Variants in PACRG observed in about 807,000 individuals in gnomAD.
PACRG encodes parkin coregulated, also known as parkin coregulated gene protein.
Under a neutral mutation model 29.7 loss-of-function variants are expected in PACRG, and 29 were observed. That is an observed-to-expected ratio of 0.98 (90% CI 0.73 to 1.33). The LOEUF (loss-of-function observed/expected upper bound fraction) is 1.33, where lower values mean the gene tolerates loss of function less well. PACRG is among the 40% of genes most tolerant of loss of function. PACRG has a pLI of 0.00. For missense variants in PACRG, 279 were observed against 316.2 expected, an observed-to-expected ratio of 0.88 and a Z score of 0.89; for synonymous variants, 116 against 118.7, an observed-to-expected ratio of 0.98 and a Z score of 0.15.
intron 2 of PACRG, among the ~76,000 whole-genome samples, chr6:163,004,871 C>G (rs1265114677): frequency 6.6e-6 from 1 of 151,982 alleles, no homozygotes; most frequent in African/African-American, 2.4e-5. Flanking sequence ...GAGGCAAAAT[C>G]TGATCCTACC....
chr6:163,207,519 C>G (rs1333594819), intron 4 of PACRG, among the ~76,000 whole-genome samples: 1 of 152,168 alleles, frequency 6.6e-6, no homozygotes, highest in East Asian at 1.9e-4. Context: ...ATATTCAACT[C>G]CCTACGGTTT....
chr6:162,989,984 C>T (rs1225561546), intron 2 of PACRG, among the ~76,000 whole-genome samples: 19 of 150,794 alleles, frequency 1.3e-4, no homozygotes, highest in African/African-American at 1.9e-4. Context: ...TGAGAATATG[C>T]GGTGTTTGGT....
At chr6:162,775,861 T>C (rs1783600727) in intron 1 of PACRG, among the ~76,000 whole-genome samples, 1 of 152,162 alleles carries the variant, frequency 6.6e-6, no homozygotes, top group African/African-American at 2.4e-5. Flanking sequence ...TTTTAAACGA[T>C]GAGGAAACAG....
chr6:162,777,705 G>A lies in PACRG; in HGVS notation c.157-36442G>A, dbSNP rs529136642. On this transcript the variant is annotated intron_variant, in intron 1 of 4. Coordinates refer to ENST00000366888, the MANE Select transcript of PACRG (RefSeq NM_001080379.2). The surrounding 1 kb of genome is among the most constrained non-coding windows in gnomAD (Gnocchi z 4.0). The stretch of plus-strand genomic sequence containing the variant: ...TATTTTATACTTTTACTGTAGAGAT[G>A]CATTTAAAGTTTAATATTAACATAT... Among the ~76,000 whole-genome samples the A allele has an allele frequency of 5.3e-5, 8 of 152,192 alleles. No individual in the cohort carries two copies. In the South Asian group the frequency reaches 1.7e-3, roughly 32 times the overall value.
At chr6:163,006,456 C>A (rs945630165) in intron 2 of PACRG, among the ~76,000 whole-genome samples, 3 of 151,380 alleles carry the variant, frequency 2.0e-5, no homozygotes, top group Admixed American at 6.6e-5. Context: ...TCATTTAGAT[C>A]AATTGATAGA....
At chr6:163,080,155 C>T (rs556572436) in intron 3 of PACRG, among the ~76,000 whole-genome samples, 1 of 152,022 alleles carries the variant, frequency 6.6e-6, no homozygotes, top group Non-Finnish European at 1.5e-5. Context: ...GCCTCGGCCT[C>T]CCAAAGTGCT....
At chr6:163,242,343 G>C (rs1006575996) in intron 4 of PACRG, among the ~76,000 whole-genome samples, 1 of 152,170 alleles carries the variant, frequency 6.6e-6, no homozygotes, top group Admixed American at 6.5e-5. Flanking sequence ...TGTGTGTTGT[G>C]TATGTAACAA....
intron 1 of PACRG, among the ~76,000 whole-genome samples, chr6:162,740,289 T>G (rs1332766830): frequency 6.6e-6 from 1 of 151,980 alleles, no homozygotes; most frequent in African/African-American, 2.4e-5. Flanking sequence ...TTATTCAAGG[T>G]GCAATTTGTG....
At chr6:162,879,557 T>G (rs2128010485) in intron 2 of PACRG, among the ~76,000 whole-genome samples, 1 of 152,332 alleles carries the variant, frequency 6.6e-6, no homozygotes, top group Admixed American at 6.5e-5. Flanking sequence ...ATATACAGAT[T>G]TTTAAATCAA....
chr6:163,079,721 G>T (rs977521609), intron 3 of PACRG, among the ~76,000 whole-genome samples: 3 of 151,806 alleles, frequency 2.0e-5, no homozygotes, highest in African/African-American at 7.3e-5. Flanking sequence ...ACTCCTTCTT[G>T]GAAATTGGTC....
At position 162,834,687 on chromosome 6, in the gene PACRG, C is replaced by T. The variant is rs138616076; in HGVS notation, c.291+20406C>T. On this transcript the variant is annotated intron_variant, in intron 2 of 4. Coordinates refer to ENST00000366888, the MANE Select transcript of PACRG (RefSeq NM_001080379.2). ...TCTATAGCATTTTGCCAAAAATACT[C>T]CTTAAAGCAACTGTCCTGTATCTGA... Among the ~76,000 whole-genome samples the T allele has an allele frequency of 1.6e-3, 249 of 151,752 alleles. 8 individuals carry two copies. In the South Asian group the frequency reaches 0.05, roughly 31 times the overall value.
At chr6:163,000,014 C>T (rs758932670) in intron 2 of PACRG, among the ~76,000 whole-genome samples, 10 of 152,176 alleles carry the variant, frequency 6.6e-5, no homozygotes, top group African/African-American at 1.2e-4. Flanking sequence ...CTTGTAACAT[C>T]CTATGGTTGG....
chr6:163,160,765 G>T (rs1778522742), intron 4 of PACRG, among the ~76,000 whole-genome samples: 1 of 152,132 alleles, frequency 6.6e-6, no homozygotes, highest in Non-Finnish European at 1.5e-5. Flanking sequence ...TTGCTGAGAA[G>T]AATAATATGT....
intron 1 of PACRG, among the ~76,000 whole-genome samples, chr6:162,768,891 A>G (rs1782996813): frequency 6.6e-6 from 1 of 152,174 alleles, no homozygotes; most frequent in Non-Finnish European, 1.5e-5. Context: ...TTAAACTTTG[A>G]TATTTGTGGG....
chr6:162,897,042 G>A (rs998389928), intron 2 of PACRG, among the ~76,000 whole-genome samples: 2 of 152,278 alleles, frequency 1.3e-5, no homozygotes, highest in Admixed American at 6.5e-5. Flanking sequence ...ATCTGCCAAT[G>A]AGCCCCTACA....
intron 2 of PACRG, among the ~76,000 whole-genome samples, chr6:162,874,622 C>A (rs1051584065): frequency 6.6e-6 from 1 of 152,156 alleles, no homozygotes; most frequent in Non-Finnish European, 1.5e-5. Flanking sequence ...TGGACACCCC[C>A]CAATGTGGCG....
At chr6:163,303,097 G>A (rs1344986207) in intron 4 of PACRG, among the ~76,000 whole-genome samples, 1 of 152,194 alleles carries the variant, frequency 6.6e-6, no homozygotes, top group Non-Finnish European at 1.5e-5. Flanking sequence ...TTGGGAGACC[G>A]AGGTGGGTGG....
At chr6:163,067,406 T>G (rs532034577) in intron 3 of PACRG, among the ~76,000 whole-genome samples, 82 of 152,336 alleles carry the variant, frequency 5.4e-4, no homozygotes, top group African/African-American at 1.9e-3. Context: ...CCCTTGTATG[T>G]GGGATCAGGA....
chr6:163,154,224 G>A lies in PACRG; in HGVS notation c.613+64816G>A, dbSNP rs151054946. On this transcript the variant is annotated intron_variant, in intron 4 of 4. Coordinates refer to ENST00000366888, the MANE Select transcript of PACRG (RefSeq NM_001080379.2). ...GGTTGCTCAGCCAAACAGAAGGATC[G>A]AGAGGCAACATGATAGGTGCCTAGG... 6.3e-3 allele frequency among the ~76,000 whole-genome samples: 958 copies of A among 152,304 alleles called. 2 individuals are homozygous for A. The highest frequency in any genetic ancestry group is 0.014 in the South Asian group (69 of 4,826).
Sources: gnomAD v4.1 joint callset for allele counts (sites outside exome capture counted in the v4.1 genomes callset) on GRCh38, gnomAD v4.1.1 for gene constraint, Gnocchi (gnomAD v3.1) non-coding constraint, MANE v1.5 for transcripts, NCBI Gene and HGNC (gene_info 2026-07-23, HGNC 2026-07-21) for gene names.